Variants in DZANK1 observed in about 807,000 individuals in gnomAD.
The protein encoded by DZANK1 is double zinc ribbon and ankyrin repeat-containing protein 1.
In DZANK1, 91 loss-of-function variants were observed where a neutral mutation model predicts 94.5. That is an observed-to-expected ratio of 0.96 (90% CI 0.81 to 1.15). The LOEUF is 1.15. DZANK1 is among the 50% of genes most tolerant of loss of function. The probability of loss-of-function intolerance (pLI) is 0.00; values close to 1 mark genes in which losing one functional copy is unlikely to be tolerated. For synonymous variants in DZANK1, 312 were observed against 325.3 expected (o/e 0.96, Z 0.44); for missense variants, 903 against 916.4 (o/e 0.99, Z 0.19).
At chr20:18,427,444 C>T (rs536511448) in intron 9 of DZANK1, among the ~76,000 whole-genome samples, 83 of 152,088 alleles carry the variant, frequency 5.5e-4, no homozygotes, top group South Asian at 2.3e-3. Flanking sequence ...CACTTCAGCC[C>T]CCTAAAGTGC....
At chr20:18,422,390 A>G (rs1429461202) in intron 10 of DZANK1, among the ~76,000 whole-genome samples, 1 of 152,084 alleles carries the variant, frequency 6.6e-6, no homozygotes, top group African/African-American at 2.4e-5. Flanking sequence ...ATTCTTGTCC[A>G]TTGGTCTACA....
At chr20:18,418,316 T>G (rs1010149662) in intron 10 of DZANK1, among the ~76,000 whole-genome samples, 10 of 152,178 alleles carry the variant, frequency 6.6e-5, no homozygotes, top group Non-Finnish European at 1.3e-4. Context: ...AATATTTGGC[T>G]GCTGAAGAGG....
chr20:18,456,151 G>A (rs1348236039), intron 3 of DZANK1, among the ~76,000 whole-genome samples: 2 of 152,172 alleles, frequency 1.3e-5, no homozygotes, highest in African/African-American at 4.8e-5. Flanking sequence ...CAAAAAATGT[G>A]TTGCCTAGGT....
At chr20:18,417,637 C>G (rs764591025) in intron 10 of DZANK1, among the ~76,000 whole-genome samples, 4 of 152,072 alleles carry the variant, frequency 2.6e-5, no homozygotes, top group Non-Finnish European at 5.9e-5. Flanking sequence ...AATTCAACAC[C>G]TCATTAGTTT....
chr20:18,426,077 G>A (rs542871202), intron 10 of DZANK1, among the ~76,000 whole-genome samples: 3 of 152,202 alleles, frequency 2.0e-5, no homozygotes, highest in Admixed American at 1.3e-4. Context: ...CCCAACCCCC[G>A]GGCCATGGAC....
At chr20:18,410,055 G>C (rs1164411750) in intron 13 of DZANK1, among the ~76,000 whole-genome samples, 1 of 146,414 alleles carries the variant, frequency 6.8e-6, no homozygotes, top group African/African-American at 2.5e-5. Flanking sequence ...AAAAAAAAAA[G>C]GGAGGTGAGT....
At chr20:18,421,796 T>A (rs1050049150) in intron 10 of DZANK1, among the ~76,000 whole-genome samples, 4 of 152,174 alleles carry the variant, frequency 2.6e-5, no homozygotes, top group Admixed American at 2.6e-4. Flanking sequence ...AGGTGCCTCA[T>A]CCACCCTGGA....
chr20:18,416,160 G>A (rs1310980476), intron 10 of DZANK1, among the ~76,000 whole-genome samples: 1 of 152,162 alleles, frequency 6.6e-6, no homozygotes, highest in Non-Finnish European at 1.5e-5. Flanking sequence ...CTTACAGAGG[G>A]AGAGCTTGGG....
intron 7 of DZANK1, among the ~76,000 whole-genome samples, chr20:18,447,605 G>A (rs942582627): frequency 6.6e-6 from 1 of 152,088 alleles, no homozygotes; most frequent in Non-Finnish European, 1.5e-5. Context: ...TGTGATTACA[G>A]GTGTGAGCCA....
At chr20:18,448,919 A>C (rs1306770690) in intron 7 of DZANK1, 65 bp downstream of exon 7, 1 of 1,388,652 alleles carries the variant, frequency 7.2e-7, no homozygotes, top group Non-Finnish European at 1.0e-6. Flanking sequence ...GTATCTTTAA[A>C]TTCTCTTTGA....
chr20:18,401,418 C>A (rs1449488808), intron 13 of DZANK1, among the ~76,000 whole-genome samples: 1 of 152,206 alleles, frequency 6.6e-6, no homozygotes, highest in Non-Finnish European at 1.5e-5. Context: ...TCCACTGCTA[C>A]CAAACAAAAC....
intron 19 of DZANK1, among the ~76,000 whole-genome samples, chr20:18,385,377 G>A (rs2048421202): frequency 6.6e-6 from 1 of 151,588 alleles, no homozygotes; most frequent in African/African-American, 2.4e-5. Flanking sequence ...AAATACCATT[G>A]TTCTAAATTG....
At chr20:18,418,051 A>C (rs2057581583) in intron 10 of DZANK1, among the ~76,000 whole-genome samples, 1 of 151,616 alleles carries the variant, frequency 6.6e-6, no homozygotes. Flanking sequence ...ATGCCACTGT[A>C]CTCCAGCCTG....
At chr20:18,456,735 T>C (rs2059306842) in intron 3 of DZANK1, among the ~76,000 whole-genome samples, 2 of 152,208 alleles carry the variant, frequency 1.3e-5, no homozygotes, top group South Asian at 2.1e-4. Flanking sequence ...TCTATGTTGT[T>C]GTAACTCGTT....
chr20:18,389,402 A>AC (rs2048709410), intron 19 of DZANK1, among the ~76,000 whole-genome samples: 1 of 152,160 alleles, frequency 6.6e-6, no homozygotes, highest in Non-Finnish European at 1.5e-5. Flanking sequence ...ATTGATTAAC[A>AC]CCCCAAGGGC....
In DZANK1 at chr20:18,438,218, CAAAA is replaced by C. The variant is rs761846698; in HGVS notation, c.748-4457_748-4454del. 1.1e-3 allele frequency among the ~76,000 whole-genome samples: 64 copies of C among 57,752 alleles called. No homozygotes were observed. The South Asian group carries it at 0.036, about 33-fold the overall frequency. The allele number at this position is 57,752 out of a possible 152,430, so 37.9% of individuals were successfully genotyped here. ...TGGGTGACAGAGTGAGACTCTGTCT[CAAAA>C]AAAAAAAAAAAAAAAAAGAAATAAC... On this transcript the variant is annotated intron_variant, in intron 8 of 20. Transcript: ENST00000262547.
At chr20:18,412,436 C>G (rs1487689968) in intron 13 of DZANK1, among the ~76,000 whole-genome samples, 1 of 152,130 alleles carries the variant, frequency 6.6e-6, no homozygotes, top group Non-Finnish European at 1.5e-5. Flanking sequence ...GGGCTATGAG[C>G]TAAAACATCA....
intron 11 of DZANK1, among the ~76,000 whole-genome samples, chr20:18,414,761 C>T (rs1183278348): frequency 1.3e-5 from 2 of 152,174 alleles, no homozygotes; most frequent in African/African-American, 2.4e-5. Flanking sequence ...CTAAATATAA[C>T]ACAGTACATA....
intron 13 of DZANK1, among the ~76,000 whole-genome samples, chr20:18,403,552 A>T (rs1474471759): frequency 1.3e-5 from 2 of 152,232 alleles, no homozygotes; most frequent in Non-Finnish European, 2.9e-5. Context: ...TGTGTTAAAA[A>T]GCAGTTAAAA....
Sources: gnomAD v4.1 joint callset for allele counts (sites outside exome capture counted in the v4.1 genomes callset) on GRCh38, gnomAD v4.1.1 for gene constraint, MANE v1.5 for transcripts, NCBI Gene and HGNC (gene_info 2026-07-23, HGNC 2026-07-21) for gene names.